The following SMAD1 variants were observed in gnomAD, a reference collection of about 807,000 sequenced individuals.
The protein encoded by SMAD1 is MAD, mothers against decapentaplegic homolog 1.
Under a neutral mutation model 41.6 loss-of-function variants are expected in SMAD1, and 6 were observed. The ratio of observed to expected loss-of-function variants is 0.14; its 90% CI spans 0.08 to 0.28. The LOEUF is 0.28. Among genes scored for constraint, SMAD1 ranks in the 10% least tolerant of loss-of-function variants. The probability of loss-of-function intolerance (pLI) is 1.00; values close to 1 mark genes in which losing one functional copy is unlikely to be tolerated. For synonymous variants in SMAD1, 206 were observed against 203.2 expected (o/e 1.01, Z -0.12); for missense variants, 379 against 582.6 (o/e 0.65, Z 3.60).
At chr4:145,551,776 A>G (rs1732568373) in intron 5 of SMAD1, among the ~76,000 whole-genome samples, 1 of 152,200 alleles carries the variant, frequency 6.6e-6, no homozygotes, top group Non-Finnish European at 1.5e-5. Context: ...GTGAAATGAG[A>G]AAAGCATTCC....
chr4:145,542,621 C>G lies in SMAD1; in HGVS notation c.698C>G (p.Pro233Arg). 6.2e-7 allele frequency: 1 copy of G among 1,613,208 alleles called. No homozygotes were observed. The highest frequency in any genetic ancestry group is 2.2e-5 in the East Asian group (1 of 44,802). ...PPPAYLPPED[P>R]MTQDGSQPMD... is the part of the protein sequence containing the mutation. ...CCTGCTTACCTGCCTCCTGAAGACCCCATGACCCAGGATGGCTCTCAGCCG... is the reference window on the plus strand; with the variant it reads ...CCTGCTTACCTGCCTCCTGAAGACCGCATGACCCAGGATGGCTCTCAGCCG... The change falls in exon 4 of 7, where the codon CCC becomes CGC. Residue 233 changes from proline to arginine, a missense_variant. Pro to Arg is a moderately radical substitution (Grantham distance 103). Transcript: ENST00000302085.
Position 145,546,863 on chromosome 4 carries a change from G to T in SMAD1, c.936G>T (p.Gly312=), listed in dbSNP as rs35747692. 2.5e-4 allele frequency: 407 copies of T among 1,614,134 alleles called. 2 individuals are homozygous for T. In the African/African-American group the frequency reaches 4.5e-3, roughly 18 times the overall value. ...ACAATAAGAACCGTTTCTGCCTTGG[G>T]CTGCTCTCCAATGTTAACCGGAATT... is the stretch of plus-strand genomic sequence containing the variant. The part of the protein sequence containing the change: ...PSNNKNRFCL[G]LLSNVNRNST... Residue 312 remains glycine, a synonymous_variant, in exon 5 of 7, where the codon GGG becomes GGT. Coordinates refer to ENST00000302085, the MANE Select transcript of SMAD1 (RefSeq NM_005900.3).
intron 1 of SMAD1, among the ~76,000 whole-genome samples, chr4:145,505,020 T>C (rs1300937800): frequency 2.0e-5 from 3 of 152,246 alleles, no homozygotes; most frequent in South Asian, 2.1e-4. Context: ...TGTGAGTCTG[T>C]GGTTTCTATA....
chr4:145,524,209 C>T (rs750115764), intron 2 of SMAD1, among the ~76,000 whole-genome samples: 4 of 152,094 alleles, frequency 2.6e-5, no homozygotes, highest in Non-Finnish European at 5.9e-5. Flanking sequence ...TTATTTTCAT[C>T]TATAATATTA....
At chr4:145,531,254 A>G (rs903697192) in intron 2 of SMAD1, among the ~76,000 whole-genome samples, 1 of 152,204 alleles carries the variant, frequency 6.6e-6, no homozygotes, top group Non-Finnish European at 1.5e-5. Flanking sequence ...TGTGTATACT[A>G]TTAATTTTAA....
At chr4:145,556,958 G>T (rs1231497262) in intron 6 of SMAD1, among the ~76,000 whole-genome samples, 1 of 152,134 alleles carries the variant, frequency 6.6e-6, no homozygotes, top group African/African-American at 2.4e-5. Flanking sequence ...GATTACAGGT[G>T]TGAGCCACCG....
rs188752126 is a variant in SMAD1 at position 145,493,293 on chromosome 4, G to A, written c.-177+11255G>A. Among the ~76,000 whole-genome samples the A allele has an allele frequency of 8.4e-4, 128 of 152,306 alleles. 1 individual carries two copies. The highest frequency in any genetic ancestry group is 3.0e-3 in the African/African-American group (124 of 41,570). ...GTAGTTTTTCATGAAAGAGAGTAAT[G>A]ATACAGTGGATATTGCTGTAGAAAT... On this transcript the variant is annotated intron_variant, in intron 1 of 6. Coordinates refer to ENST00000302085, the MANE Select transcript of SMAD1 (RefSeq NM_005900.3).
intron 1 of SMAD1, among the ~76,000 whole-genome samples, chr4:145,511,391 GC>G (rs1329341620): frequency 6.6e-6 from 1 of 152,098 alleles, no homozygotes; most frequent in African/African-American, 2.4e-5. Context: ...TCCTGCCTCT[GC>G]CCCCTGAGTG....
intron 2 of SMAD1, among the ~76,000 whole-genome samples, chr4:145,534,682 G>T (rs565348718): frequency 6.6e-6 from 1 of 152,104 alleles, no homozygotes; most frequent in African/African-American, 2.4e-5. Flanking sequence ...TTTAATGAAT[G>T]GTGTTGGGGT....
rs1029880338 is a variant in SMAD1 at position 145,482,233 on chromosome 4, C to T, written c.-177+195C>T. On this transcript the variant is annotated intron_variant, in intron 1 of 6. Transcript: ENST00000302085. The surrounding 1 kb of genome is among the most constrained non-coding windows in gnomAD (Gnocchi z 4.2). ...GCGGGGCGGGCCGCGACCCCCCCCC[C>T]CCATGATGGCGCCTCCCGTCTGCTC... Among the ~76,000 whole-genome samples, 3 of 150,394 alleles carry T rather than the reference C, an allele frequency of 2.0e-5. No individual in the cohort carries two copies. Among genetic ancestry groups the T allele is most frequent in the East Asian group, 2.0e-4 (1 of 5,074 alleles).
chr4:145,489,432 C>T (rs1728660828), intron 1 of SMAD1, among the ~76,000 whole-genome samples: 1 of 151,750 alleles, frequency 6.6e-6, no homozygotes, highest in Non-Finnish European at 1.5e-5. Context: ...TGATAAATCT[C>T]TGGTAAAGGT....
At chr4:145,503,838 T>C (rs1212637275) in intron 1 of SMAD1, 1 of 152,246 alleles carries the variant, frequency 6.6e-6, no homozygotes, top group African/African-American at 2.4e-5. Flanking sequence ...ATGTCTACAT[T>C]GTCCCCATTG....
chr4:145,556,967 C>T (rs867207502), intron 6 of SMAD1, among the ~76,000 whole-genome samples: 8 of 152,076 alleles, frequency 5.3e-5, no homozygotes, highest in Non-Finnish European at 4.4e-5. Context: ...TGTGAGCCAC[C>T]GCGCCTGGCC....
At chr4:145,491,290 C>T (rs530387726) in intron 1 of SMAD1, among the ~76,000 whole-genome samples, 17 of 152,218 alleles carry the variant, frequency 1.1e-4, no homozygotes, top group East Asian at 1.9e-4. Flanking sequence ...CAACTGCTGA[C>T]GGGAAGATTC....
intron 5 of SMAD1, among the ~76,000 whole-genome samples, chr4:145,547,489 G>A (rs1226373675): frequency 6.6e-6 from 1 of 152,184 alleles, no homozygotes; most frequent in African/African-American, 2.4e-5. Flanking sequence ...AACAAGCCTA[G>A]TAAGTTATGA....
chr4:145,528,060 T>TATAC (rs1724969626), intron 2 of SMAD1, among the ~76,000 whole-genome samples: 1 of 142,078 alleles, frequency 7.0e-6, no homozygotes, highest in Non-Finnish European at 1.5e-5. Context: ...TTTTTGTTTG[T>TATAC]ACACACACAC....
Position 145,524,421 on chromosome 4 carries a change from A to G in SMAD1, c.400+9408A>G, listed in dbSNP as rs563968919. Among the ~76,000 whole-genome samples, 3 of 152,186 alleles carry G rather than the reference A, an allele frequency of 2.0e-5. No individual in the cohort carries two copies. In the East Asian group the frequency reaches 5.8e-4, roughly 29 times the overall value. On this transcript the variant is annotated intron_variant, in intron 2 of 6. Transcript: ENST00000302085. ...TAGATACTGTTTCAGCCATTACTGT[A>G]TGTTACTTTTACATAAACTGTAAAA... is the stretch of plus-strand genomic sequence containing the variant.
chr4:145,535,911 C>T (rs1578806062), intron 2 of SMAD1, among the ~76,000 whole-genome samples: 1 of 148,862 alleles, frequency 6.7e-6, no homozygotes, highest in Non-Finnish European at 1.5e-5. Flanking sequence ...AATAAAATAA[C>T]ACTGAAGAGA....
intron 3 of SMAD1, among the ~76,000 whole-genome samples, chr4:145,541,432 T>C (rs998113731): frequency 6.6e-5 from 10 of 152,230 alleles, no homozygotes; most frequent in Non-Finnish European, 7.3e-5. Context: ...ATTCATTGAC[T>C]TGGGCTCAGA....
Sources: gnomAD v4.1 joint callset for allele counts (sites outside exome capture counted in the v4.1 genomes callset) on GRCh38, gnomAD v4.1.1 for gene constraint, Gnocchi (gnomAD v3.1) non-coding constraint, MANE v1.5 for transcripts, NCBI Gene and HGNC (gene_info 2026-07-23, HGNC 2026-07-21) for gene names.